Variants in IP6K3 observed in about 807,000 individuals in gnomAD.
The protein encoded by IP6K3 is ATP:1D-myo-inositol-hexakisphosphate phosphotransferase.
A neutral mutation model predicts 28.8 loss-of-function variants in IP6K3; 20 were observed. That is an observed-to-expected ratio of 0.70 (90% CI 0.49 to 1.01). IP6K3 has a LOEUF of 1.01. Ranked by LOEUF, IP6K3 falls within the 50% of genes least tolerant of loss-of-function variation. IP6K3 has a pLI of 0.00. For synonymous variants in IP6K3, 213 were observed against 221.3 expected, an observed-to-expected ratio of 0.96 and a Z score of 0.33; for missense variants, 480 against 537.1, an observed-to-expected ratio of 0.89 and a Z score of 1.05.
chr6:33,723,994 C>CGG (rs147935103), intron 5 of IP6K3, among the ~76,000 whole-genome samples: 25 of 148,734 alleles, frequency 1.7e-4, no homozygotes, highest in African/African-American at 4.2e-4. Context: ...TGGGCATGGC[C>CGG]GGGGGGGGGT....
chr6:33,757,544 G>A, the IP6K3 span, among the ~76,000 whole-genome samples: 1 of 152,190 alleles, frequency 6.6e-6, no homozygotes, highest in South Asian at 2.1e-4. Flanking sequence ...GTAGAGGATT[G>A]TCTCTTTGTC....
At chr6:33,755,502 T>A in the IP6K3 span, among the ~76,000 whole-genome samples, 1 of 152,214 alleles carries the variant, frequency 6.6e-6, no homozygotes, top group African/African-American at 2.4e-5. Flanking sequence ...CACAGGCAAG[T>A]CCTTAAGGTG....
chr6:33,754,693 T>C, the IP6K3 span, among the ~76,000 whole-genome samples: 1 of 152,144 alleles, frequency 6.6e-6, no homozygotes, highest in South Asian at 2.1e-4. Flanking sequence ...TGGCCCCATC[T>C]CTGCCCCAGG....
In IP6K3 at chr6:33,722,350, C is replaced by T. The variant is rs1765931060; in HGVS notation, c.*370G>A. On this transcript the variant is annotated 3_prime_UTR_variant, in exon 6 of 6. Coordinates refer to ENST00000293756, the MANE Select transcript of IP6K3 (RefSeq NM_054111.5). Reference sequence around the variant, plus strand: ...AGGCTGCTTCAAGTCAAGTTTTCTGCCTCACAGCTTGTGCGGACTGCAGCA... The same window carrying T: ...AGGCTGCTTCAAGTCAAGTTTTCTGTCTCACAGCTTGTGCGGACTGCAGCA... 5.7e-6 allele frequency: 1 copy of T among 176,862 alleles called. No homozygotes were observed. Among genetic ancestry groups the T allele is most frequent in the Admixed American group, 5.4e-5 (1 of 18,632 alleles). The allele number at this position is 176,862 out of a possible 1,614,324, so 11.0% of individuals were successfully genotyped here.
Position 33,742,589 on chromosome 6 carries a change from G to A in IP6K3, c.-180+4169C>T, listed in dbSNP as rs1015046223. Among the ~76,000 whole-genome samples, 1 of 152,150 alleles carries A rather than the reference G, an allele frequency of 6.6e-6. No individual in the cohort carries two copies. The highest frequency in any genetic ancestry group is 2.4e-5 in the African/African-American group (1 of 41,428). On this transcript the variant is annotated intron_variant, in intron 1 of 5. Coordinates refer to ENST00000293756, the MANE Select transcript of IP6K3 (RefSeq NM_054111.5). The surrounding 1 kb of genome is among the most constrained non-coding windows in gnomAD (Gnocchi z 4.5). ...ACCCAAATCCTCACCACCACAATCTGCAGAGTAGGAAAGTAATCCCCTAGA... is the reference window on the plus strand; with the variant it reads ...ACCCAAATCCTCACCACCACAATCTACAGAGTAGGAAAGTAATCCCCTAGA...
At chr6:33,741,891 C>A (rs557040651) in intron 1 of IP6K3, among the ~76,000 whole-genome samples, 3 of 151,400 alleles carry the variant, frequency 2.0e-5, no homozygotes, top group African/African-American at 7.3e-5. Context: ...GCGGAGGTTG[C>A]GGTGAGCCAA....
upstream of IP6K3, among the ~76,000 whole-genome samples, chr6:33,747,110 G>C (rs934492133): frequency 2.0e-5 from 3 of 152,176 alleles, no homozygotes. This position sits in a 1 kb window ranked among gnomAD's most constrained non-coding sequence, Gnocchi z 5.2. Flanking sequence ...AGGCAGGGGA[G>C]AGTTCAGCTC....
chr6:33,744,204 C>T lies in IP6K3; in HGVS notation c.-180+2554G>A, dbSNP rs1163792060. ...AGCCCCTCCCAGCCATGCTTTTCTC[C>T]TCCGGACTTTGCCTCTTGAAGCTGC... On this transcript the variant is annotated intron_variant, in intron 1 of 5. Transcript: ENST00000293756. The surrounding 1 kb of genome is among the most constrained non-coding windows in gnomAD (Gnocchi z 4.4). Among the ~76,000 whole-genome samples, 1 of 152,190 alleles carries T rather than the reference C, an allele frequency of 6.6e-6. No individual in the cohort carries two copies. Among genetic ancestry groups the T allele is most frequent in the African/African-American group, 2.4e-5 (1 of 41,456 alleles).
At chr6:33,743,587 G>GA (rs887096197) in intron 1 of IP6K3, among the ~76,000 whole-genome samples, 1 of 152,142 alleles carries the variant, frequency 6.6e-6, no homozygotes, top group African/African-American at 2.4e-5. Context: ...TTTCCAGGGG[G>GA]AAAAATGGAG....
At chr6:33,754,002 G>T in the IP6K3 span, among the ~76,000 whole-genome samples, 1 of 151,996 alleles carries the variant, frequency 6.6e-6, no homozygotes, top group Non-Finnish European at 1.5e-5. Flanking sequence ...GTAGAGACGG[G>T]GTTTCACCGT....
intron 1 of IP6K3, among the ~76,000 whole-genome samples, chr6:33,736,235 A>C (rs1461214447): frequency 6.6e-6 from 1 of 152,196 alleles, no homozygotes; most frequent in African/African-American, 2.4e-5. Context: ...CAAGCAACAT[A>C]CTAAGCTTCT....
chr6:33,733,965 G>A (rs557480009), intron 2 of IP6K3, among the ~76,000 whole-genome samples: 1 of 152,336 alleles, frequency 6.6e-6, no homozygotes, highest in African/African-American at 2.4e-5. Context: ...CACTTTGGGA[G>A]GCTGAGGTGG....
intron 1 of IP6K3, among the ~76,000 whole-genome samples, chr6:33,743,353 A>G (rs1374786444): frequency 6.6e-6 from 1 of 152,236 alleles, no homozygotes. Context: ...TGAAGCTCTA[A>G]CTTACATTTC....
intron 2 of IP6K3, among the ~76,000 whole-genome samples, chr6:33,733,922 G>A (rs935890593): frequency 3.3e-5 from 5 of 152,224 alleles, no homozygotes; most frequent in African/African-American, 1.2e-4. Flanking sequence ...AGAATTCCTG[G>A]CTGGGCGCAG....
intron 5 of IP6K3, among the ~76,000 whole-genome samples, chr6:33,724,335 T>G (rs1053862499): frequency 2.6e-5 from 4 of 152,264 alleles, no homozygotes; most frequent in Non-Finnish European, 5.9e-5. Flanking sequence ...AAAGGACATC[T>G]GTGCAACAAA....
intron 2 of IP6K3, among the ~76,000 whole-genome samples, chr6:33,731,757 C>A (rs896697824): frequency 8.5e-5 from 13 of 152,140 alleles, no homozygotes; most frequent in African/African-American, 2.9e-4. Context: ...GGTGCTTGAC[C>A]TGTTCAAGAG....
In IP6K3 at chr6:33,722,491, C is replaced by CGG; in HGVS notation, c.*228_*229insCC. The CGG allele has an allele frequency of 1.8e-5, 7 of 388,636 alleles. No individual in the cohort carries two copies. Among genetic ancestry groups the CGG allele is most frequent in the South Asian group, 1.1e-4 (2 of 18,586 alleles). The allele number at this position is 388,636 out of a possible 1,614,324, so 24.1% of individuals were successfully genotyped here. A position where few individuals can be genotyped will look rare whatever the true frequency, so the allele number is the denominator to read the frequency against. On this transcript the variant is annotated 3_prime_UTR_variant, in exon 6 of 6. Coordinates refer to ENST00000293756, the MANE Select transcript of IP6K3 (RefSeq NM_054111.5). ...GAAGGTGCCACTTTATCCTGGCTGT[C>CGG]TGTTCTCCGATGAGCAGCATTAGAG... is the stretch of plus-strand genomic sequence containing the variant.
chr6:33,722,195 T>TCGGTGGTCG lies in IP6K3; in HGVS notation c.*524_*525insCGACCACCG. The TCGGTGGTCG allele has an allele frequency of 6.5e-6, 1 of 153,482 alleles. No individual in the cohort carries two copies. The highest frequency in any genetic ancestry group is 1.5e-5 in the Non-Finnish European group (1 of 68,814). 9.5% of individuals were successfully genotyped at this position (153,482 alleles called of 1,614,324 possible). ...GCAGAGCAGATGAGATGGGTAGATCTCTTCTGCTTCATCCTGTGTCACCTA... is the reference window on the plus strand; with the variant it reads ...GCAGAGCAGATGAGATGGGTAGATCTCGGTGGTCGCTTCTGCTTCATCCTGTGTCACCTA... On this transcript the variant is annotated 3_prime_UTR_variant, in exon 6 of 6. Transcript: ENST00000293756.
intron 2 of IP6K3, among the ~76,000 whole-genome samples, chr6:33,729,704 T>TTTTC (rs535565310): frequency 6.6e-6 from 1 of 152,070 alleles, no homozygotes; most frequent in Admixed American, 6.5e-5. Flanking sequence ...ACAGTTCCTT[T>TTTTC]TTTCTTTCTT....
Sources: gnomAD v4.1 joint callset for allele counts (sites outside exome capture counted in the v4.1 genomes callset) on GRCh38, gnomAD v4.1.1 for gene constraint, Gnocchi (gnomAD v3.1) non-coding constraint, MANE v1.5 for transcripts, NCBI Gene and HGNC (gene_info 2026-07-23, HGNC 2026-07-21) for gene names.